Variants in ZNF385D observed in about 807,000 individuals in gnomAD.
ZNF385D encodes zinc finger protein 385D.
In ZNF385D, 15 loss-of-function variants were observed where a neutral mutation model predicts 35.8. The ratio of observed to expected loss-of-function variants is 0.42; its 90% confidence interval spans 0.28 to 0.64. The LOEUF is 0.64. Ranked by LOEUF, ZNF385D falls within the 30% of genes least tolerant of loss-of-function variation. The pLI, the probability that ZNF385D is intolerant of heterozygous loss-of-function variation, is 0.23. For missense variants in ZNF385D, 474 were observed against 494.6 expected (o/e 0.96, Z 0.39); for synonymous variants, 212 against 186.8 (o/e 1.13, Z -1.10).
chr3:22,074,631 TA>T (rs1700379448), intron 3 of ZNF385D, among the ~76,000 whole-genome samples: 1 of 151,906 alleles, frequency 6.6e-6, no homozygotes, highest in African/African-American at 2.4e-5. Context: ...AATTCCACAA[TA>T]TAAGAAAAAA....
chr3:21,450,520 G>A (rs1017549362), intron 4 of ZNF385D, among the ~76,000 whole-genome samples: 1 of 152,132 alleles, frequency 6.6e-6, no homozygotes, highest in South Asian at 2.1e-4. Context: ...AAAGAAAAGT[G>A]ATGAAGGATT....
intron 2 of ZNF385D, among the ~76,000 whole-genome samples, chr3:22,215,626 C>A (rs544367188): frequency 6.6e-6 from 1 of 152,058 alleles, no homozygotes; most frequent in Non-Finnish European, 1.5e-5. Flanking sequence ...AATACTTGCC[C>A]GAAACTTCAT....
chr3:21,475,558 T>C (rs1704179036), intron 4 of ZNF385D, among the ~76,000 whole-genome samples: 1 of 152,106 alleles, frequency 6.6e-6, no homozygotes, highest in South Asian at 2.1e-4. Flanking sequence ...TTCTCTAATA[T>C]TAAAAAGAGC....
chr3:22,263,106 C>T (rs76062176), intron 2 of ZNF385D, among the ~76,000 whole-genome samples: 8,329 of 152,030 alleles, frequency 0.055, 334 homozygotes, highest in African/African-American at 0.11. Context: ...ACCTCTTTAG[C>T]TCCTTTCTTG....
chr3:21,664,795 A>C lies in ZNF385D; in HGVS notation c.165+91T>G, dbSNP rs564745576. On this transcript the variant is annotated intron_variant, in intron 2 of 7. Coordinates refer to ENST00000281523, the MANE Select transcript of ZNF385D (RefSeq NM_024697.3). ...AAACCATGCAATGAACAATATAGCA[A>C]AATGGAGGCAGTGGCCGAACCAACC... The C allele has an allele frequency of 8.7e-5, 134 of 1,547,252 alleles. 1 individual carries two copies. The South Asian group carries it at 1.5e-3, about 17-fold the overall frequency.
At chr3:21,926,176 G>T (rs943485814) in intron 3 of ZNF385D, among the ~76,000 whole-genome samples, 1 of 151,786 alleles carries the variant, frequency 6.6e-6, no homozygotes, top group African/African-American at 2.4e-5. Flanking sequence ...GAGTACATGT[G>T]CAGATTTTGC....
chr3:22,032,922 G>T (rs1378427181), intron 3 of ZNF385D, among the ~76,000 whole-genome samples: 1 of 152,086 alleles, frequency 6.6e-6, no homozygotes, highest in African/African-American at 2.4e-5. Flanking sequence ...AAAGTAACTT[G>T]CCCAAAGTCC....
intron 3 of ZNF385D, among the ~76,000 whole-genome samples, chr3:21,891,910 G>A (rs1221981297): frequency 1.3e-5 from 2 of 152,058 alleles, no homozygotes; most frequent in Admixed American, 6.6e-5. Flanking sequence ...CACTCTGTCT[G>A]CTTAATAGCT....
chr3:22,168,193 C>T (rs977370062), intron 3 of ZNF385D, among the ~76,000 whole-genome samples: 6 of 152,142 alleles, frequency 3.9e-5, no homozygotes, highest in African/African-American at 9.7e-5. Flanking sequence ...CGGGCCCACC[C>T]TCCTCTCTTC....
chr3:21,712,873 C>G (rs542122943), intron 1 of ZNF385D, among the ~76,000 whole-genome samples: 1 of 152,302 alleles, frequency 6.6e-6, no homozygotes, highest in African/African-American at 2.4e-5. Context: ...CTCCATTTAT[C>G]CCCTGAAATA....
chr3:22,257,548 A>G (rs2125338163), intron 2 of ZNF385D, among the ~76,000 whole-genome samples: 1 of 151,876 alleles, frequency 6.6e-6, no homozygotes, highest in South Asian at 2.1e-4. Flanking sequence ...AGAATTTCAT[A>G]CGTGGTTTTC....
intron 3 of ZNF385D, among the ~76,000 whole-genome samples, chr3:22,101,311 G>C (rs1374325775): frequency 1.3e-5 from 2 of 152,030 alleles, no homozygotes; most frequent in African/African-American, 2.4e-5. Context: ...TATGTAGATA[G>C]AGAGATAGAA....
At chr3:22,008,807 A>C (rs1020325870) in intron 3 of ZNF385D, among the ~76,000 whole-genome samples, 3 of 152,258 alleles carry the variant, frequency 2.0e-5, no homozygotes, top group African/African-American at 7.2e-5. Flanking sequence ...AATTATAAAA[A>C]TACTGCAAGT....
intron 3 of ZNF385D, among the ~76,000 whole-genome samples, chr3:21,765,587 G>T (rs2070791985): frequency 6.6e-6 from 1 of 151,974 alleles, no homozygotes; most frequent in South Asian, 2.1e-4. Flanking sequence ...GGAGCCAGTA[G>T]GTAGTAGAGA....
intron 6 of ZNF385D, among the ~76,000 whole-genome samples, chr3:21,424,711 A>G (rs1392184026): frequency 6.8e-6 from 1 of 147,302 alleles, no homozygotes; most frequent in Non-Finnish European, 1.5e-5. Flanking sequence ...TTTTTGAAAA[A>G]CATTTACAAA....
intron 3 of ZNF385D, among the ~76,000 whole-genome samples, chr3:22,088,721 T>G (rs1701170874): frequency 6.6e-6 from 1 of 151,952 alleles, no homozygotes; most frequent in African/African-American, 2.4e-5. Context: ...AACAACAAAC[T>G]AACAAAGCAA....
At chr3:21,494,549 G>A (rs1480822490) in intron 4 of ZNF385D, among the ~76,000 whole-genome samples, 1 of 152,150 alleles carries the variant, frequency 6.6e-6, no homozygotes, top group Non-Finnish European at 1.5e-5. Flanking sequence ...AAGGCCCCGG[G>A]AGGAATCAAA....
intron 3 of ZNF385D, among the ~76,000 whole-genome samples, chr3:21,826,634 G>C (rs1694650930): frequency 6.6e-6 from 1 of 152,090 alleles, no homozygotes; most frequent in Non-Finnish European, 1.5e-5. Context: ...AGAGACAGCA[G>C]CTATTTCACA....
At chr3:22,304,853 T>C (rs1703116385) in intron 2 of ZNF385D, among the ~76,000 whole-genome samples, 1 of 152,160 alleles carries the variant, frequency 6.6e-6, no homozygotes, top group Non-Finnish European at 1.5e-5. Context: ...AATGTCTCCT[T>C]TAGCAGTTGC....
Sources: gnomAD v4.1 joint callset for allele counts (sites outside exome capture counted in the v4.1 genomes callset) on GRCh38, gnomAD v4.1.1 for gene constraint, MANE v1.5 for transcripts, NCBI Gene and HGNC (gene_info 2026-07-23, HGNC 2026-07-21) for gene names.